The following PTGIS variants were observed in gnomAD, a reference collection of about 807,000 sequenced individuals.
PTGIS encodes the protein prostaglandin I2 synthase.
In PTGIS, 45 loss-of-function variants were observed where a neutral mutation model predicts 50.3. The observed-to-expected ratio is 0.90, with a 90% CI of 0.70 to 1.15. PTGIS has a LOEUF of 1.15. Ranked by LOEUF, PTGIS falls within the 50% of genes most tolerant of loss-of-function variation. The pLI is 0.00. For missense variants in PTGIS, 668 were observed against 661.3 expected, an observed-to-expected ratio of 1.01 and a Z score of -0.11; for synonymous variants, 260 against 267.7, an observed-to-expected ratio of 0.97 and a Z score of 0.28.
Position 49,540,339 on chromosome 20 carries a change from G to A in PTGIS, c.522-618C>T, listed in dbSNP as rs1009014770. Among the ~76,000 whole-genome samples, 4 of 152,168 alleles carry A rather than the reference G, an allele frequency of 2.6e-5. No individual in the cohort carries two copies. The highest frequency in any genetic ancestry group is 1.9e-4 in the East Asian group (1 of 5,192). On this transcript the variant is annotated intron_variant, in intron 4 of 9. Coordinates refer to ENST00000244043, the MANE Select transcript of PTGIS (RefSeq NM_000961.4). This position sits in a 1 kb window ranked among gnomAD's most constrained non-coding sequence, Gnocchi z 4.8. ...CTGAGCTGAGATCTGCAGGATGATC[G>A]GGGGAAGCAGAAGAGGAACGTGTTC...
chr20:49,555,948 C>A (rs78185809), intron 1 of PTGIS, among the ~76,000 whole-genome samples: 6,274 of 152,266 alleles, frequency 0.041, 418 homozygotes, highest in African/African-American at 0.14. Flanking sequence ...CTGCTAATCC[C>A]ATCTTGAGCA....
rs117286837 is a variant in PTGIS at position 49,542,919 on chromosome 20, C to T, written c.521+1386G>A. Among the ~76,000 whole-genome samples the T allele has an allele frequency of 3.0e-3, 449 of 152,032 alleles. 14 individuals are homozygous for T. In the East Asian group the frequency reaches 0.068, roughly 23 times the overall value. Reference sequence around the variant, plus strand: ...TATGTAAAGTCCTAGCCTCCTAGAGCGATTGTGAGCATTAAAAGAGCTGAG... The same window carrying T: ...TATGTAAAGTCCTAGCCTCCTAGAGTGATTGTGAGCATTAAAAGAGCTGAG... On this transcript the variant is annotated intron_variant, in intron 4 of 9. Transcript: ENST00000244043.
At chr20:49,521,029 T>C (rs1277642135) in intron 6 of PTGIS, among the ~76,000 whole-genome samples, 1 of 152,178 alleles carries the variant, frequency 6.6e-6, no homozygotes, top group African/African-American at 2.4e-5. Context: ...TTTTGTCTGT[T>C]TTGCTCACCG....
intron 6 of PTGIS, among the ~76,000 whole-genome samples, chr20:49,522,472 C>T (rs888606453): frequency 9.9e-5 from 15 of 151,990 alleles, no homozygotes; most frequent in Non-Finnish European, 2.2e-4. Flanking sequence ...AACACAGAAT[C>T]TTTGAGGTCT....
rs372027355 is a variant in PTGIS, at chr20:49,504,101, C to G, written c.*3819G>C. The stretch of plus-strand genomic sequence containing the variant: ...CAGGCAGGTAGGGCATTGCCAGCTC[C>G]CTGTGAGTGGGGGCCACTGGTGGGA... On this transcript the variant is annotated 3_prime_UTR_variant, in exon 10 of 10. Coordinates refer to ENST00000244043, the MANE Select transcript of PTGIS (RefSeq NM_000961.4). 4.6e-5 allele frequency: 7 copies of G among 152,336 alleles called. No homozygotes were observed. The East Asian group carries it at 1.3e-3, about 29-fold the overall frequency. The allele number at this position is 152,336 out of a possible 1,614,324, so 9.4% of individuals were successfully genotyped here. A position where few individuals can be genotyped will look rare whatever the true frequency, so the allele number is the denominator to read the frequency against.
At chr20:49,537,317 T>C (rs896935871) in intron 5 of PTGIS, among the ~76,000 whole-genome samples, 15 of 152,198 alleles carry the variant, frequency 9.9e-5, no homozygotes, top group Non-Finnish European at 1.9e-4. Flanking sequence ...CAGGACACTC[T>C]ACCAACACTA....
chr20:49,518,750 A>G (rs969078486), intron 6 of PTGIS, among the ~76,000 whole-genome samples: 1 of 152,078 alleles, frequency 6.6e-6, no homozygotes, highest in African/African-American at 2.4e-5. Context: ...TAACTAGTTT[A>G]GTGGCAGAGG....
intron 5 of PTGIS, among the ~76,000 whole-genome samples, chr20:49,528,715 A>T (rs1475742574): frequency 6.6e-6 from 1 of 152,230 alleles, no homozygotes; most frequent in Non-Finnish European, 1.5e-5. Context: ...TAGAGGACAC[A>T]CTAAACCTTA....
intron 3 of PTGIS, among the ~76,000 whole-genome samples, chr20:49,545,936 T>C (rs189267802): frequency 2.8e-4 from 43 of 152,230 alleles, no homozygotes; most frequent in African/African-American, 1.0e-3. Context: ...GGGCAGGGTT[T>C]GCACAGGGCG....
In PTGIS at chr20:49,513,214, T is replaced by A; in HGVS notation, c.1072A>T (p.Thr358Ser). The A allele has an allele frequency of 6.2e-7, 1 of 1,613,838 alleles. No individual in the cohort carries two copies. Among genetic ancestry groups the A allele is most frequent in the Non-Finnish European group, 8.5e-7 (1 of 1,179,992 alleles). The stretch of plus-strand genomic sequence containing the variant: ...GCCAGGTCCACCACAACCTCGCGGG[T>A]GATGAAGGGGGCAGCTGTAAGCCTG... ...SLRLTAAPFI[T>S]REVVVDLAMP... is the part of the protein sequence containing the mutation. Residue 358 changes from threonine (T) to serine (S), a missense_variant, in exon 8 of 10, where the codon ACC becomes TCC. Transcript: ENST00000244043.
rs5583 is a variant in PTGIS at position 49,568,068 on chromosome 20, G to A, written c.49C>T (p.Leu17=). The A allele has an allele frequency of 5.0e-4, 732 of 1,463,588 alleles. 3 individuals carry two copies. The African/African-American group carries it at 9.6e-3, about 19-fold the overall frequency. 90.7% of individuals were successfully genotyped at this position (1,463,588 alleles called of 1,614,324 possible). ...LGLLAALLLL[L]LLSRRRTRRP... ...CGCGTGCGGCGGCGGCTCAGTAGCA[G>A]CAGCAGCAACAGTGCGGCCAGGAGG... The change falls in exon 1 of 10, where the codon CTG becomes TTG. Residue 17 remains leucine, a synonymous_variant. Coordinates refer to ENST00000244043, the MANE Select transcript of PTGIS (RefSeq NM_000961.4).
chr20:49,522,893 A>G (rs562574893), intron 6 of PTGIS, among the ~76,000 whole-genome samples: 305 of 148,832 alleles, frequency 2.0e-3, no homozygotes, highest in Non-Finnish European at 4.1e-3. Context: ...ACGTGGTGGC[A>G]TGCGCCTGTA....
chr20:49,536,253 G>C (rs539238252), intron 5 of PTGIS, among the ~76,000 whole-genome samples: 35 of 152,146 alleles, frequency 2.3e-4, no homozygotes, highest in Admixed American at 5.2e-4. Flanking sequence ...TATACAACCT[G>C]TAACTCTGAA....
In PTGIS at chr20:49,540,580, A is replaced by G. The variant is rs1272158794; in HGVS notation, c.522-859T>C. ...AGGGGCTCTGGGAGGCCCGAGAAGG[A>G]GGTCAGGGCCTGGTCAAGTGTGAAA... On this transcript the variant is annotated intron_variant, in intron 4 of 9. Coordinates refer to ENST00000244043, the MANE Select transcript of PTGIS (RefSeq NM_000961.4). The surrounding 1 kb of genome is among the most constrained non-coding windows in gnomAD (Gnocchi z 4.8). Among the ~76,000 whole-genome samples the G allele has an allele frequency of 1.3e-5, 2 of 152,028 alleles. No individual in the cohort carries two copies. The highest frequency in any genetic ancestry group is 2.4e-5 in the African/African-American group (1 of 41,372).
At chr20:49,541,891 C>A (rs1033357762) in intron 4 of PTGIS, among the ~76,000 whole-genome samples, 5 of 152,092 alleles carry the variant, frequency 3.3e-5, no homozygotes, top group Non-Finnish European at 7.4e-5. Flanking sequence ...ACACACACGA[C>A]CCACAGGCGG....
chr20:49,547,955 C>G lies in PTGIS; in HGVS notation c.263G>C (p.Trp88Ser), dbSNP rs1261674963. Residue 88 changes from tryptophan to serine, a missense_variant, in exon 3 of 10, where the codon TGG becomes TCG. Trp to Ser is a radical substitution (Grantham distance 177). Transcript: ENST00000244043. ...GAAGTCGAGCCTGGTGCGAGGCTCC[C>G]ACACCACCGCGTCGTAGGAGTGTGG... ...LDPHSYDAVVWEPRTRLDFHA... is the reference protein window; with the variant it reads ...LDPHSYDAVVSEPRTRLDFHA... 1.9e-6 allele frequency: 3 copies of G among 1,613,986 alleles called. No homozygotes were observed. The highest frequency in any genetic ancestry group is 2.2e-5 in the East Asian group (1 of 44,882).
chr20:49,518,872 T>C (rs1042769580), intron 6 of PTGIS, among the ~76,000 whole-genome samples: 17 of 152,324 alleles, frequency 1.1e-4, no homozygotes, highest in African/African-American at 3.6e-4. Context: ...CGGAGCTATG[T>C]GCAGGCCCAG....
intron 1 of PTGIS, among the ~76,000 whole-genome samples, chr20:49,551,860 T>C (rs946130401): frequency 6.6e-6 from 1 of 151,758 alleles, no homozygotes; most frequent in Non-Finnish European, 1.5e-5. Flanking sequence ...CTTTATGCTT[T>C]CTTTTTTCTC....
At chr20:49,548,533 T>C (rs113131380) in intron 2 of PTGIS, among the ~76,000 whole-genome samples, 6,107 of 151,390 alleles carry the variant, frequency 0.04, 347 homozygotes, top group African/African-American at 0.13. Context: ...AGTAGATGGA[T>C]GAATGGATGG....
Sources: gnomAD v4.1 joint callset for allele counts (sites outside exome capture counted in the v4.1 genomes callset) on GRCh38, gnomAD v4.1.1 for gene constraint, Gnocchi (gnomAD v3.1) non-coding constraint, MANE v1.5 for transcripts, NCBI Gene and HGNC (gene_info 2026-07-23, HGNC 2026-07-21) for gene names.